The following GRHL2 variants were observed in gnomAD, a reference collection of about 807,000 sequenced individuals.
The protein encoded by GRHL2 is grainyhead like transcription factor 2, also known as grainyhead-like protein 2 homolog.
In GRHL2, 21 loss-of-function variants were observed where a neutral mutation model predicts 83.8. The ratio of observed to expected loss-of-function variants is 0.25; its 90% CI spans 0.18 to 0.36. The LOEUF is 0.36. GRHL2 is among the 10% of genes least tolerant of loss of function. The pLI is 1.00. For synonymous variants in GRHL2, 280 were observed against 278.9 expected (o/e 1.00, Z -0.04); for missense variants, 623 against 781.8 (o/e 0.80, Z 2.42).
intron 2 of GRHL2, among the ~76,000 whole-genome samples, chr8:101,547,838 A>G (rs571149805): frequency 3.0e-4 from 46 of 152,382 alleles, no homozygotes; most frequent in South Asian, 1.0e-3. Context: ...TTTAGAGACT[A>G]AAATTCTAGC....
At chr8:101,600,435 C>T (rs1812486179) in intron 8 of GRHL2, among the ~76,000 whole-genome samples, 1 of 152,254 alleles carries the variant, frequency 6.6e-6, no homozygotes, top group South Asian at 2.1e-4. Flanking sequence ...CCTGCCCCTG[C>T]CCTCTCCTGA....
chr8:101,492,797 G>T lies in GRHL2; in HGVS notation c.20+8G>T. The T allele has an allele frequency of 6.2e-7, 1 of 1,613,898 alleles. No homozygotes were observed. The highest frequency in any genetic ancestry group is 8.5e-7 in the Non-Finnish European group (1 of 1,179,736). ...GTCACAAGAGTCGGACAAGTAAGTGGATCACACGCGCCGGCTGCTGCTACT... is the reference window on the plus strand; with the variant it reads ...GTCACAAGAGTCGGACAAGTAAGTGTATCACACGCGCCGGCTGCTGCTACT... On this transcript the variant is annotated splice_region_variant and intron_variant, in intron 1 of 15. Coordinates refer to ENST00000646743, the MANE Select transcript of GRHL2 (RefSeq NM_024915.4).
intron 2 of GRHL2, among the ~76,000 whole-genome samples, chr8:101,548,169 C>T (rs1213037538): frequency 6.6e-6 from 1 of 152,122 alleles, no homozygotes; most frequent in Non-Finnish European, 1.5e-5. Context: ...ATCCATCCAT[C>T]CACCCACCCA....
At chr8:101,517,264 G>A (rs756406257) in intron 1 of GRHL2, among the ~76,000 whole-genome samples, 1 of 152,110 alleles carries the variant, frequency 6.6e-6, no homozygotes. Flanking sequence ...CCCCTTCCCA[G>A]TTTTCCTTCC....
intron 8 of GRHL2, among the ~76,000 whole-genome samples, chr8:101,604,651 C>A (rs1419455149): frequency 1.3e-5 from 2 of 152,128 alleles, no homozygotes; most frequent in Admixed American, 1.3e-4. Flanking sequence ...ATGCTTCACC[C>A]TTCCTTGGTT....
At chr8:101,573,271 C>T (rs963094879) in intron 5 of GRHL2, among the ~76,000 whole-genome samples, 3 of 148,602 alleles carry the variant, frequency 2.0e-5, no homozygotes, top group African/African-American at 7.4e-5. Flanking sequence ...TAGGTATATA[C>T]ATGAATTGAA....
rs1460466327 is a variant in GRHL2, at chr8:101,652,349, GGTGTGTGTGGT to G, written c.1698+2860_1698+2870del. Among the ~76,000 whole-genome samples the G allele has an allele frequency of 9.8e-3, 612 of 62,232 alleles. 3 individuals are homozygous for G. The highest frequency in any genetic ancestry group is 0.054 in the Middle Eastern group (6 of 112). The allele number at this position is 62,232 out of a possible 152,430, so 40.8% of individuals were successfully genotyped here. A position where few individuals can be genotyped will look rare whatever the true frequency, so the allele number is the denominator to read the frequency against. ...GTGTGTGGTGTGTGTGTATGTGTGT[GGTGTGTGTGGT>G]GTGTGTGTGTCTGATGTGTGTGTGG... On this transcript the variant is annotated intron_variant, in intron 14 of 15. Transcript: ENST00000646743.
At chr8:101,518,267 G>T (rs986072388) in intron 1 of GRHL2, among the ~76,000 whole-genome samples, 9 of 152,084 alleles carry the variant, frequency 5.9e-5, no homozygotes, top group African/African-American at 1.9e-4. Context: ...AAAATTAGCC[G>T]GGCGTGATGG....
intron 14 of GRHL2, among the ~76,000 whole-genome samples, chr8:101,656,701 TATGAG>T (rs1187878553): frequency 6.6e-6 from 1 of 152,324 alleles, no homozygotes; most frequent in East Asian, 1.9e-4. Flanking sequence ...AGAATAATAA[TATGAG>T]ATAATATTAT....
chr8:101,566,653 T>A (rs1037809689), intron 4 of GRHL2, among the ~76,000 whole-genome samples: 2 of 150,166 alleles, frequency 1.3e-5, no homozygotes, highest in African/African-American at 4.9e-5. Flanking sequence ...CCCGATTGAT[T>A]TTTTTTACTT....
intron 7 of GRHL2, among the ~76,000 whole-genome samples, chr8:101,586,160 A>G (rs1812165331): frequency 1.4e-5 from 2 of 147,222 alleles, no homozygotes; most frequent in Middle Eastern, 3.6e-3. Flanking sequence ...GCTCACTGCA[A>G]GCTCCGCTTC....
At chr8:101,525,072 A>G (rs1810777366) in intron 1 of GRHL2, among the ~76,000 whole-genome samples, 2 of 151,956 alleles carry the variant, frequency 1.3e-5, no homozygotes, top group Admixed American at 1.3e-4. Flanking sequence ...CTTCCTGCGT[A>G]GCTGGGATTA....
chr8:101,641,708 T>G (rs1390279480), intron 12 of GRHL2, among the ~76,000 whole-genome samples: 2 of 152,182 alleles, frequency 1.3e-5, no homozygotes, highest in Non-Finnish European at 2.9e-5. Flanking sequence ...AGATGGAAAT[T>G]GATGTCAGAG....
At chr8:101,554,605 TGGAA>T (rs1428907032) in intron 3 of GRHL2, among the ~76,000 whole-genome samples, 1 of 152,242 alleles carries the variant, frequency 6.6e-6, no homozygotes, top group African/African-American at 2.4e-5. Flanking sequence ...GAATATAATT[TGGAA>T]GGATGTCATT....
chr8:101,527,430 G>A (rs1019247466), intron 1 of GRHL2, among the ~76,000 whole-genome samples: 2 of 152,054 alleles, frequency 1.3e-5, no homozygotes, highest in Non-Finnish European at 2.9e-5. Context: ...CAAACTCCTG[G>A]CCTCAAGCAA....
At chr8:101,638,366 A>G (rs71518834) in intron 12 of GRHL2, among the ~76,000 whole-genome samples, 17,540 of 152,256 alleles carry the variant, frequency 0.12, 2,168 homozygotes, top group African/African-American at 0.32. Context: ...CATTTTTTCA[A>G]TGGTTGAAAA....
chr8:101,608,253 A>C (rs112424954), intron 8 of GRHL2, among the ~76,000 whole-genome samples: 2 of 152,370 alleles, frequency 1.3e-5, no homozygotes, highest in African/African-American at 4.8e-5. Flanking sequence ...CGCCTGGTAG[A>C]GCTGGAATTC....
intron 2 of GRHL2, among the ~76,000 whole-genome samples, chr8:101,549,911 A>G (rs532363225): frequency 4.0e-5 from 6 of 151,700 alleles, no homozygotes; most frequent in Non-Finnish European, 8.8e-5. Flanking sequence ...GGGGTATTAA[A>G]TTTTTAAAAC....
In GRHL2 at chr8:101,570,456, T is replaced by A. The variant is rs796548973; in HGVS notation, c.734+62T>A. 6 of 1,308,334 alleles carry A rather than the reference T, an allele frequency of 4.6e-6. No individual in the cohort carries two copies. In the African/African-American group the frequency reaches 8.7e-5, roughly 19 times the overall value. 81.0% of individuals were successfully genotyped at this position (1,308,334 alleles called of 1,614,324 possible). A position where few individuals can be genotyped will look rare whatever the true frequency, so the allele number is the denominator to read the frequency against. ...AACTGATAAACCTTTAAATGTACCT[T>A]CGAGTTATACCTTTAAACCTTTTTT... On this transcript the variant is annotated intron_variant, in intron 5 of 15. Transcript: ENST00000646743.
Sources: allele counts gnomAD v4.1 joint callset (sites outside exome capture counted in the v4.1 genomes callset), GRCh38; gene constraint gnomAD v4.1.1; transcripts MANE v1.5; gene names NCBI Gene and HGNC (gene_info 2026-07-23, HGNC 2026-07-21).